The following BCL2 variants were observed in gnomAD, a reference collection of about 807,000 sequenced individuals.
The protein encoded by BCL2 is BCL2 apoptosis regulator.
BCL2 carries 1 observed loss-of-function variant against 14.2 expected under a neutral mutation model. The ratio of observed to expected loss-of-function variants is 0.07; its 90% CI spans 0.02 to 0.33. BCL2 has a LOEUF of 0.33. Among genes scored for constraint, BCL2 ranks in the 10% least tolerant of loss-of-function variants. The probability of loss-of-function intolerance (pLI) is 0.99; values close to 1 mark genes in which losing one functional copy is unlikely to be tolerated. For missense variants in BCL2, 247 were observed against 305.9 expected, an observed-to-expected ratio of 0.81 and a Z score of 1.44; for synonymous variants, 151 against 137.2, an observed-to-expected ratio of 1.10 and a Z score of -0.70.
chr18:63,231,252 G>T (rs1266524400), intron 2 of BCL2, among the ~76,000 whole-genome samples: 1 of 151,760 alleles, frequency 6.6e-6, no homozygotes, highest in Non-Finnish European at 1.5e-5. Context: ...TTTCTCCTAA[G>T]AACCTACAAG....
At chr18:63,189,283 G>A (rs2144650058) in intron 2 of BCL2, among the ~76,000 whole-genome samples, 1 of 152,008 alleles carries the variant, frequency 6.6e-6, no homozygotes, top group African/African-American at 2.4e-5. Context: ...CAGGGCAGAA[G>A]GTACAATCCA....
intron 2 of BCL2, among the ~76,000 whole-genome samples, chr18:63,210,888 C>T (rs1487368105): frequency 6.6e-6 from 1 of 152,088 alleles, no homozygotes; most frequent in Non-Finnish European, 1.5e-5. Context: ...CATTCACCAT[C>T]TCATTGTTCT....
At chr18:63,203,019 G>C (rs1909742398) in intron 2 of BCL2, among the ~76,000 whole-genome samples, 1 of 152,204 alleles carries the variant, frequency 6.6e-6, no homozygotes, top group South Asian at 2.1e-4. Context: ...ATCTGTGCAT[G>C]TCGGACCTGT....
At chr18:63,212,869 C>CT (rs1283179932) in intron 2 of BCL2, among the ~76,000 whole-genome samples, 1 of 91,752 alleles carries the variant, frequency 1.1e-5, no homozygotes, top group Non-Finnish European at 2.3e-5. Context: ...GAGCGAGACT[C>CT]TGTCTCAAAA....
intron 2 of BCL2, among the ~76,000 whole-genome samples, chr18:63,285,023 C>T (rs2144260030): frequency 6.6e-6 from 1 of 152,344 alleles, no homozygotes; most frequent in Admixed American, 6.5e-5. Context: ...GGCTGCAGAG[C>T]ATCCCCAGGG....
At position 63,169,297 on chromosome 18, in the gene BCL2, T is replaced by C. The variant is rs1568222402; in HGVS notation, c.586-40538A>G. Among the ~76,000 whole-genome samples, 173 of 88,628 alleles carry C rather than the reference T, an allele frequency of 2.0e-3. 6 individuals are homozygous for C. The highest frequency in any genetic ancestry group is 1.0e-2 in the East Asian group (25 of 2,508). 58.1% of individuals were successfully genotyped at this position (88,628 alleles called of 152,430 possible). On this transcript the variant is annotated intron_variant, in intron 2 of 2. Transcript: ENST00000333681. ...CTTTCTTTCTTTCTTTCTTTCTTTC[T>C]TTCTTTCTTTCTTCCTTCCTTCCTT...
rs191858049 is a variant in BCL2 at position 63,127,997 on chromosome 18, C to T, written c.*628G>A. Reference sequence around the variant, plus strand: ...TGGGTACTAGGTCCATCTGAAGTTCCCAACTCTTTTCCTCCCACCAGGTAT... The same window carrying T: ...TGGGTACTAGGTCCATCTGAAGTTCTCAACTCTTTTCCTCCCACCAGGTAT... On this transcript the variant is annotated 3_prime_UTR_variant, in exon 3 of 3. Coordinates refer to ENST00000333681, the MANE Select transcript of BCL2 (RefSeq NM_000633.3). 5 of 225,428 alleles carry T rather than the reference C, an allele frequency of 2.2e-5. No homozygotes were observed. The highest frequency in any genetic ancestry group is 5.7e-5 in the Admixed American group (1 of 17,482). The allele number at this position is 225,428 out of a possible 1,614,324, so 14.0% of individuals were successfully genotyped here.
At chr18:63,157,752 T>A (rs1012169222) in intron 2 of BCL2, among the ~76,000 whole-genome samples, 1 of 152,118 alleles carries the variant, frequency 6.6e-6, no homozygotes, top group Non-Finnish European at 1.5e-5. Context: ...CTTCAGTCCT[T>A]CCCAAACACT....
chr18:63,176,955 C>A (rs1206021106), intron 2 of BCL2, among the ~76,000 whole-genome samples: 1 of 149,900 alleles, frequency 6.7e-6, no homozygotes, highest in Non-Finnish European at 1.5e-5. Flanking sequence ...TCACTCCCAT[C>A]TTCTGGGCTG....
intron 2 of BCL2, among the ~76,000 whole-genome samples, chr18:63,250,047 T>C (rs1038884846): frequency 4.6e-5 from 7 of 152,166 alleles, no homozygotes; most frequent in African/African-American, 1.7e-4. Context: ...GACCACACAG[T>C]AAGCAAGTAG....
At chr18:63,276,824 C>T (rs537102401) in intron 2 of BCL2, among the ~76,000 whole-genome samples, 21 of 152,320 alleles carry the variant, frequency 1.4e-4, no homozygotes, top group African/African-American at 5.1e-4. Flanking sequence ...TGAAATACTT[C>T]TTAGTTCATG....
intron 2 of BCL2, among the ~76,000 whole-genome samples, chr18:63,168,678 TG>T (rs531198924): frequency 1.3e-5 from 2 of 152,198 alleles, no homozygotes; most frequent in Non-Finnish European, 2.9e-5. Context: ...TGTTTCCAAC[TG>T]GGGGGAAATG....
At chr18:63,206,584 G>A (rs954371818) in intron 2 of BCL2, among the ~76,000 whole-genome samples, 6 of 152,224 alleles carry the variant, frequency 3.9e-5, no homozygotes, top group Non-Finnish European at 8.8e-5. Context: ...GGAGAGCTGA[G>A]ACTGACCATC....
chr18:63,169,312 C>CT (rs2144628054), intron 2 of BCL2, among the ~76,000 whole-genome samples: 1 of 42,446 alleles, frequency 2.4e-5, no homozygotes, highest in East Asian at 6.9e-4. Context: ...TTCTTTCTTC[C>CT]TTCCTTCCTT....
intron 2 of BCL2, among the ~76,000 whole-genome samples, chr18:63,214,212 C>G (rs373018379): frequency 1.3e-5 from 2 of 152,268 alleles, no homozygotes; most frequent in Non-Finnish European, 1.5e-5. Flanking sequence ...CAGCAGACAC[C>G]AGCAGCAGGG....
intron 2 of BCL2, among the ~76,000 whole-genome samples, chr18:63,276,955 G>A (rs1431226557): frequency 6.6e-6 from 1 of 152,206 alleles, no homozygotes; most frequent in East Asian, 1.9e-4. Flanking sequence ...AGAGTGAAAA[G>A]GGTGTTACTA....
rs770109390 is a variant in BCL2 at position 63,128,754 on chromosome 18, G to A, written c.591C>T (p.Ala197=). ...TWIQDNGGWD[A]FVELYGPSMR... is the part of the protein sequence containing the mutation. ...TGCTGGGGCCGTACAGTTCCACAAA[G>A]GCATCCTGCAGTTGGGGGAGAGGAG... The change falls in exon 3 of 3, where the codon GCC becomes GCT. Residue 197 remains alanine (A), a synonymous_variant. Coordinates refer to ENST00000333681, the MANE Select transcript of BCL2 (RefSeq NM_000633.3). The A allele has an allele frequency of 1.3e-6, 1 of 780,150 alleles. No homozygotes were observed. The highest frequency in any genetic ancestry group is 2.4e-6 in the Non-Finnish European group (1 of 417,748). 48.3% of individuals were successfully genotyped at this position (780,150 alleles called of 1,614,324 possible). A position where few individuals can be genotyped will look rare whatever the true frequency, so the allele number is the denominator to read the frequency against.
chr18:63,269,162 C>A (rs1047000930), intron 2 of BCL2, among the ~76,000 whole-genome samples: 2 of 151,970 alleles, frequency 1.3e-5, no homozygotes, highest in Non-Finnish European at 2.9e-5. Flanking sequence ...CTATGCTGCC[C>A]AGGCTGGTCT....
intron 2 of BCL2, among the ~76,000 whole-genome samples, chr18:63,213,547 AAC>A (rs57058660): frequency 0.063 from 9,182 of 146,280 alleles, 350 homozygotes; most frequent in East Asian, 0.11. Context: ...CACACACATA[AAC>A]ACACACACAC....
Sources: allele counts gnomAD v4.1 joint callset (sites outside exome capture counted in the v4.1 genomes callset), GRCh38; gene constraint gnomAD v4.1.1; transcripts MANE v1.5; gene names NCBI Gene and HGNC (gene_info 2026-07-23, HGNC 2026-07-21).